Variants in LCLAT1 observed in about 807,000 individuals in gnomAD.
The protein encoded by LCLAT1 is lysocardiolipin acyltransferase 1.
A neutral mutation model predicts 30.7 loss-of-function variants in LCLAT1; 11 were observed. The observed-to-expected ratio is 0.36, with a 90% CI of 0.23 to 0.59. The LOEUF is 0.59. LCLAT1 is among the 20% of genes least tolerant of loss of function. LCLAT1 has a pLI of 0.77. For missense variants in LCLAT1, 402 were observed against 458.6 expected (o/e 0.88, Z 1.13); for synonymous variants, 155 against 151.3 (o/e 1.02, Z -0.18).
chr2:30,514,543 C>A (rs1685095572), intron 1 of LCLAT1, among the ~76,000 whole-genome samples: 1 of 152,118 alleles, frequency 6.6e-6, no homozygotes, highest in African/African-American at 2.4e-5. Flanking sequence ...TATGTAAATA[C>A]CAAGAGCCCT....
chr2:30,455,191 C>T (rs829582), intron 1 of LCLAT1, among the ~76,000 whole-genome samples: 113,880 of 152,090 alleles, frequency 0.75, 43,292 homozygotes, highest in East Asian at 0.87. Flanking sequence ...AGGAGTGTTA[C>T]GTTCTCATTT....
At chr2:30,449,178 A>C (rs1348536244) in intron 1 of LCLAT1, among the ~76,000 whole-genome samples, 2 of 152,218 alleles carry the variant, frequency 1.3e-5, no homozygotes, top group African/African-American at 4.8e-5. Context: ...CTGTCTTACT[A>C]CCACCATGCC....
intron 1 of LCLAT1, among the ~76,000 whole-genome samples, chr2:30,469,703 T>G (rs1396173919): frequency 6.6e-6 from 1 of 151,566 alleles, no homozygotes; most frequent in East Asian, 1.9e-4. Flanking sequence ...CTCAGTCTGC[T>G]GAGTAGCTGG....
intron 1 of LCLAT1, among the ~76,000 whole-genome samples, chr2:30,505,261 C>T (rs1684599264): frequency 6.6e-6 from 1 of 151,452 alleles, no homozygotes; most frequent in South Asian, 2.1e-4. Context: ...GGGTATACCA[C>T]TTGATACTCC....
intron 5 of LCLAT1, among the ~76,000 whole-genome samples, chr2:30,633,400 T>G (rs1367114867): frequency 1.3e-5 from 2 of 152,168 alleles, no homozygotes; most frequent in African/African-American, 2.4e-5. Flanking sequence ...TTAAATAAGT[T>G]ACATGTCGCC....
intron 1 of LCLAT1, among the ~76,000 whole-genome samples, chr2:30,512,215 C>A (rs1684970238): frequency 6.6e-6 from 1 of 151,984 alleles, no homozygotes; most frequent in Non-Finnish European, 1.5e-5. Context: ...TTTCATGACA[C>A]ATTTGTTTTT....
intron 5 of LCLAT1, among the ~76,000 whole-genome samples, chr2:30,582,199 A>T (rs1310569318): frequency 1.0e-5 from 1 of 98,820 alleles, no homozygotes; most frequent in Non-Finnish European, 2.1e-5. Context: ...CCCTCTCCTC[A>T]CCCCTGCCCC....
chr2:30,639,405 C>A (rs1036257993), intron 5 of LCLAT1, among the ~76,000 whole-genome samples: 1 of 93,922 alleles, frequency 1.1e-5, no homozygotes, highest in Non-Finnish European at 2.2e-5. Context: ...CACTTTACCC[C>A]CTAAGTTAAA....
intron 3 of LCLAT1, among the ~76,000 whole-genome samples, chr2:30,539,699 A>T (rs967957617): frequency 2.0e-5 from 3 of 152,202 alleles, no homozygotes; most frequent in African/African-American, 7.2e-5. Flanking sequence ...CTTAAATTAG[A>T]TGTCAAAAAA....
intron 1 of LCLAT1, among the ~76,000 whole-genome samples, chr2:30,491,373 A>AG (rs1683826130): frequency 6.6e-6 from 1 of 152,220 alleles, no homozygotes; most frequent in Non-Finnish European, 1.5e-5. Flanking sequence ...ACTTATCCTA[A>AG]GGTAGGTACT....
chr2:30,599,076 G>A (rs898957885), intron 5 of LCLAT1, among the ~76,000 whole-genome samples: 10 of 151,486 alleles, frequency 6.6e-5, no homozygotes, highest in African/African-American at 1.9e-4. Context: ...TCCGCCTCCC[G>A]GTTCAAGTTA....
intron 1 of LCLAT1, among the ~76,000 whole-genome samples, chr2:30,485,694 T>G (rs937848539): frequency 1.3e-5 from 2 of 152,194 alleles, no homozygotes; most frequent in Non-Finnish European, 2.9e-5. Flanking sequence ...TAATGGTAAC[T>G]AAACATTTTC....
intron 5 of LCLAT1, chr2:30,607,852 TG>T (rs1667529116): frequency 6.5e-4 from 1 of 1,546 alleles, no homozygotes; most frequent in African/African-American, 6.0e-3. Context: ...AGGCTGTGTG[TG>T]TGTGTGTGTG....
chr2:30,558,686 TG>T (rs1665051573), intron 3 of LCLAT1, among the ~76,000 whole-genome samples: 1 of 150,764 alleles, frequency 6.6e-6, no homozygotes. Flanking sequence ...ATGGCTAAAA[TG>T]AAAAGAACTC....
chr2:30,623,539 A>G (rs1485494544), intron 5 of LCLAT1, among the ~76,000 whole-genome samples: 2 of 152,154 alleles, frequency 1.3e-5, no homozygotes, highest in African/African-American at 2.4e-5. Context: ...GGCTTTCGAA[A>G]TAACCCAGTC....
intron 3 of LCLAT1, among the ~76,000 whole-genome samples, chr2:30,553,027 C>G (rs772563439): frequency 5.3e-5 from 8 of 152,062 alleles, no homozygotes; most frequent in Admixed American, 1.3e-4. Flanking sequence ...ATAGTAGATG[C>G]CATATTGAGT....
intron 1 of LCLAT1, among the ~76,000 whole-genome samples, chr2:30,499,384 G>C (rs905160670): frequency 2.0e-5 from 3 of 152,196 alleles, no homozygotes; most frequent in Non-Finnish European, 2.9e-5. Context: ...GTTTCGCCAT[G>C]TTGGCCAGGC....
chr2:30,621,291 A>C (rs1445126012), intron 5 of LCLAT1, among the ~76,000 whole-genome samples: 1 of 152,176 alleles, frequency 6.6e-6, no homozygotes, highest in East Asian at 1.9e-4. Flanking sequence ...GTGTTCCCCC[A>C]AAATTCCTAT....
At chr2:30,590,531 T>A (rs952404915) in intron 5 of LCLAT1, among the ~76,000 whole-genome samples, 2 of 148,202 alleles carry the variant, frequency 1.3e-5, no homozygotes, top group Non-Finnish European at 3.0e-5. Context: ...TATATATATA[T>A]ATTATATGTA....
Sources: allele counts gnomAD v4.1 joint callset (sites outside exome capture counted in the v4.1 genomes callset), GRCh38; gene constraint gnomAD v4.1.1; transcripts MANE v1.5; gene names NCBI Gene and HGNC (gene_info 2026-07-23, HGNC 2026-07-21).